EYS: variants seen among roughly 807,000 people sequenced by gnomAD.
EYS encodes EGF-like photoreceptor maintenance factor, also known as protein eyes shut homolog.
A neutral mutation model predicts 282.1 loss-of-function variants in EYS; 250 were observed. The ratio of observed to expected loss-of-function variants is 0.89; its 90% CI spans 0.80 to 0.98. The LOEUF is 0.98. Among genes scored for constraint, EYS ranks in the 50% least tolerant of loss-of-function variants. The probability of loss-of-function intolerance (pLI) is 0.00; values close to 1 mark genes in which losing one functional copy is unlikely to be tolerated. For synonymous variants in EYS, 1,355 were observed against 1,282.9 expected (o/e 1.06, Z -1.20); for missense variants, 4,016 against 3,709.0 (o/e 1.08, Z -2.15).
At chr6:64,442,486 G>A (rs922394257) in intron 26 of EYS, among the ~76,000 whole-genome samples, 3 of 152,210 alleles carry the variant, frequency 2.0e-5, no homozygotes, top group Admixed American at 2.0e-4. Flanking sequence ...GAAGCCAAAT[G>A]TTAATCCCCC....
chr6:65,406,687 CTT>C, intron 5 of EYS, among the ~76,000 whole-genome samples: 1 of 152,012 alleles, frequency 6.6e-6, no homozygotes, highest in South Asian at 2.1e-4. Context: ...TCCCTCATTT[CTT>C]TGTTTGTTTG....
In EYS at chr6:65,661,857, T is replaced by C. The variant is rs182620205; in HGVS notation, c.-447-21965A>G. Among the ~76,000 whole-genome samples, 363 of 152,238 alleles carry C rather than the reference T, an allele frequency of 2.4e-3. 3 individuals carry two copies. Among genetic ancestry groups the C allele is most frequent in the Non-Finnish European group, 3.7e-3 (251 of 67,952 alleles). ...ATGGCAGCTATTCTTGGAAAATGCA[T>C]ATTAGGCTGATCTATAAAACTTTGA... On this transcript the variant is annotated intron_variant, in intron 1 of 42. Coordinates refer to ENST00000503581, the MANE Select transcript of EYS (RefSeq NM_001142800.2).
At chr6:63,964,172 C>A (rs1015950183) in intron 35 of EYS, among the ~76,000 whole-genome samples, 1 of 152,072 alleles carries the variant, frequency 6.6e-6, no homozygotes, top group Admixed American at 6.5e-5. Flanking sequence ...GTAGACTCTC[C>A]ACTAGCTGGG....
chr6:63,791,653 G>A (rs531931807), intron 37 of EYS, among the ~76,000 whole-genome samples: 5 of 151,904 alleles, frequency 3.3e-5, no homozygotes, highest in Non-Finnish European at 5.9e-5. Context: ...TGGCAGGAAA[G>A]GAAACTGAAA....
chr6:65,278,031 C>CTTTTCTTTTCTTTTCTTTT (rs373352241), intron 12 of EYS, among the ~76,000 whole-genome samples: 1 of 107,484 alleles, frequency 9.3e-6, no homozygotes, highest in Non-Finnish European at 1.9e-5. Flanking sequence ...CTTTTCTTTT[C>CTTTTCTTTTCTTTTCTTTT]CTTTTCTTTT....
chr6:63,835,102 A>C (rs1331759149), intron 36 of EYS, among the ~76,000 whole-genome samples: 1 of 150,776 alleles, frequency 6.6e-6, no homozygotes, highest in Non-Finnish European at 1.5e-5. Context: ...ACCTAATGTA[A>C]ATGATGAGTT....
At chr6:65,513,643 A>G (rs1766991585) in intron 2 of EYS, among the ~76,000 whole-genome samples, 1 of 152,200 alleles carries the variant, frequency 6.6e-6, no homozygotes, top group Non-Finnish European at 1.5e-5. Context: ...AATATATGCA[A>G]ATCAATAAAT....
chr6:64,543,715 C>T (rs1346639963), intron 26 of EYS, among the ~76,000 whole-genome samples: 1 of 152,136 alleles, frequency 6.6e-6, no homozygotes, highest in East Asian at 1.9e-4. Flanking sequence ...ATCTCACTTA[C>T]ACACTAGTTA....
intron 29 of EYS, among the ~76,000 whole-genome samples, chr6:64,359,386 T>C (rs1262450210): frequency 6.6e-6 from 1 of 151,718 alleles, no homozygotes; most frequent in Non-Finnish European, 1.5e-5. Context: ...ATAAACTCCC[T>C]GTAAAATGGT....
Position 65,209,840 on chromosome 6 carries a change from T to C in EYS, c.2023+86023A>G, listed in dbSNP as rs148469168. On this transcript the variant is annotated intron_variant, in intron 12 of 42. Coordinates refer to ENST00000503581, the MANE Select transcript of EYS (RefSeq NM_001142800.2). ...TGAAGGAAGTAGCCATGTGGAGATA[T>C]GGGAGAAGTGCATTACAGACAAAGG... is the stretch of plus-strand genomic sequence containing the variant. Among the ~76,000 whole-genome samples, 599 of 152,032 alleles carry C rather than the reference T, an allele frequency of 3.9e-3. 3 individuals carry two copies. Among genetic ancestry groups the C allele is most frequent in the African/African-American group, 0.014 (574 of 41,524 alleles).
chr6:65,636,084 G>A (rs1462110469), intron 2 of EYS, among the ~76,000 whole-genome samples: 3 of 152,174 alleles, frequency 2.0e-5, no homozygotes, highest in African/African-American at 7.2e-5. Flanking sequence ...CAGCGGGCAG[G>A]AAGAACTGAT....
intron 12 of EYS, among the ~76,000 whole-genome samples, chr6:65,082,326 A>G (rs1377966257): frequency 6.6e-6 from 1 of 151,982 alleles, no homozygotes; most frequent in South Asian, 2.1e-4. Context: ...AAATAAACCA[A>G]TTATTTATGA....
chr6:64,622,790 A>G (rs1767488146), intron 23 of EYS, among the ~76,000 whole-genome samples: 1 of 152,168 alleles, frequency 6.6e-6, no homozygotes, highest in South Asian at 2.1e-4. Flanking sequence ...GGAGCTGTGT[A>G]AGATAAGATA....
At chr6:65,178,777 C>CTA (rs1765295150) in intron 12 of EYS, among the ~76,000 whole-genome samples, 1 of 152,018 alleles carries the variant, frequency 6.6e-6, no homozygotes, top group African/African-American at 2.4e-5. Flanking sequence ...AGCACCACAC[C>CTA]ACACCTATTC....
At chr6:64,048,906 T>A (rs1770717694) in intron 33 of EYS, among the ~76,000 whole-genome samples, 1 of 152,022 alleles carries the variant, frequency 6.6e-6, no homozygotes, top group Non-Finnish European at 1.5e-5. Flanking sequence ...TGCCATTCTT[T>A]TCCCCCCCTA....
intron 26 of EYS, among the ~76,000 whole-genome samples, chr6:64,580,468 A>G (rs1766025506): frequency 6.6e-6 from 1 of 152,162 alleles, no homozygotes; most frequent in Non-Finnish European, 1.5e-5. Flanking sequence ...GGCATTCATG[A>G]GAAGGGACTA....
rs1158641728 is a variant in EYS, at chr6:64,590,228, A to T, written c.5639T>A (p.Ile1880Asn). The change falls in exon 26 of 43, where the codon ATT (isoleucine) becomes AAT (asparagine). Residue 1880 changes from isoleucine to asparagine, a missense_variant. Physicochemically the swap from Ile to Asn is moderately radical, Grantham distance 149. Coordinates refer to ENST00000503581, the MANE Select transcript of EYS (RefSeq NM_001142800.2). ...ACAGAAACTGAGAAACTCACCAGAAATCATCAGCCGTTGAGGTGCCAGAAT... is the reference window on the plus strand; with the variant it reads ...ACAGAAACTGAGAAACTCACCAGAATTCATCAGCCGTTGAGGTGCCAGAAT... Reference protein sequence around the residue: ...ESILAPQRLMISDFSCVRYYG... With the variant: ...ESILAPQRLMNSDFSCVRYYG... The T allele has an allele frequency of 6.5e-7, 1 of 1,533,968 alleles. No individual in the cohort carries two copies. Among genetic ancestry groups the T allele is most frequent in the African/African-American group, 1.4e-5 (1 of 71,870 alleles).
intron 12 of EYS, among the ~76,000 whole-genome samples, chr6:65,183,055 T>A (rs895323661): frequency 6.6e-6 from 1 of 152,012 alleles, no homozygotes; most frequent in Non-Finnish European, 1.5e-5. Flanking sequence ...CCTTGAAAAC[T>A]GCTGGGATTA....
intron 24 of EYS, among the ~76,000 whole-genome samples, chr6:64,609,080 T>A (rs893391267): frequency 6.6e-6 from 1 of 152,206 alleles, no homozygotes; most frequent in Non-Finnish European, 1.5e-5. Context: ...TATAGATTTA[T>A]TGATTGTAAC....
Sources: allele counts gnomAD v4.1 joint callset (sites outside exome capture counted in the v4.1 genomes callset), GRCh38; gene constraint gnomAD v4.1.1; transcripts MANE v1.5; gene names NCBI Gene and HGNC (gene_info 2026-07-23, HGNC 2026-07-21).